Variants in CNTNAP2 observed in about 807,000 individuals in gnomAD.
CNTNAP2 encodes contactin associated protein 2.
CNTNAP2 carries 98 observed loss-of-function variants against 155.2 expected under a neutral mutation model. The ratio of observed to expected loss-of-function variants is 0.63; its 90% CI spans 0.54 to 0.75. The LOEUF (loss-of-function observed/expected upper bound fraction) is 0.75. Among genes scored for constraint, CNTNAP2 ranks in the 30% least tolerant of loss-of-function variants. The pLI, the probability that CNTNAP2 is intolerant of heterozygous loss-of-function variation, is 0.00. For synonymous variants in CNTNAP2, 651 were observed against 631.2 expected, an observed-to-expected ratio of 1.03 and a Z score of -0.47; for missense variants, 1,727 against 1,688.1, an observed-to-expected ratio of 1.02 and a Z score of -0.40.
chr7:146,377,954 C>A (rs1795326873), intron 1 of CNTNAP2, among the ~76,000 whole-genome samples: 1 of 152,166 alleles, frequency 6.6e-6, no homozygotes, highest in Non-Finnish European at 1.5e-5. Flanking sequence ...CTACCTCATC[C>A]ACAATTCTTA....
At chr7:146,269,925 T>C (rs1395898800) in intron 1 of CNTNAP2, among the ~76,000 whole-genome samples, 2 of 152,218 alleles carry the variant, frequency 1.3e-5, no homozygotes, top group South Asian at 2.1e-4. Context: ...CTCTTCAGTT[T>C]CAAATATTGT....
At chr7:147,014,084 T>C (rs979644762) in intron 3 of CNTNAP2, among the ~76,000 whole-genome samples, 2 of 152,180 alleles carry the variant, frequency 1.3e-5, no homozygotes, top group African/African-American at 4.8e-5. Context: ...CAAGGAGACT[T>C]CCAGTGATGT....
At chr7:146,913,716 T>A (rs1358341724) in intron 3 of CNTNAP2, among the ~76,000 whole-genome samples, 1 of 152,046 alleles carries the variant, frequency 6.6e-6, no homozygotes, top group Non-Finnish European at 1.5e-5. Context: ...GCCCCTCTCC[T>A]AATGGCGTCA....
At chr7:146,228,166 A>G (rs1799326342) in intron 1 of CNTNAP2, among the ~76,000 whole-genome samples, 1 of 152,212 alleles carries the variant, frequency 6.6e-6, no homozygotes, top group South Asian at 2.1e-4. Context: ...AGCTGCAAAT[A>G]TCCAAGCGAT....
At chr7:146,650,381 A>G (rs1212104496) in intron 1 of CNTNAP2, among the ~76,000 whole-genome samples, 1 of 152,186 alleles carries the variant, frequency 6.6e-6, no homozygotes, top group Non-Finnish European at 1.5e-5. Flanking sequence ...ATATGAGTTC[A>G]TGTCCTTTGC....
chr7:148,167,916 A>G (rs1195785624), intron 17 of CNTNAP2, among the ~76,000 whole-genome samples: 1 of 152,246 alleles, frequency 6.6e-6, no homozygotes, highest in African/African-American at 2.4e-5. Context: ...AACCCTGTAT[A>G]TATAAATAAT....
chr7:147,225,789 AGG>A (rs1563123704), intron 8 of CNTNAP2, among the ~76,000 whole-genome samples: 73 of 128,882 alleles, frequency 5.7e-4, no homozygotes, highest in South Asian at 4.2e-3. Context: ...GAAGGAAGGA[AGG>A]AAGGAAGGAA....
At chr7:146,244,467 G>T (rs376077526) in intron 1 of CNTNAP2, among the ~76,000 whole-genome samples, 3 of 152,198 alleles carry the variant, frequency 2.0e-5, no homozygotes, top group African/African-American at 7.2e-5. Flanking sequence ...GTCTATACAG[G>T]AGCTCAAATG....
intron 9 of CNTNAP2, among the ~76,000 whole-genome samples, chr7:147,359,216 G>T (rs1287160266): frequency 6.6e-6 from 1 of 151,990 alleles, no homozygotes; most frequent in Non-Finnish European, 1.5e-5. Flanking sequence ...GTAAATGGCC[G>T]CTCTATTCCA....
intron 4 of CNTNAP2, among the ~76,000 whole-genome samples, chr7:147,067,326 T>G (rs895067151): frequency 1.3e-4 from 19 of 146,518 alleles, no homozygotes; most frequent in Non-Finnish European, 6.0e-5. Flanking sequence ...ACTAATCCCA[T>G]TCATAAGGCC....
intron 8 of CNTNAP2, among the ~76,000 whole-genome samples, chr7:147,245,264 A>T (rs75722345): frequency 0.029 from 4,357 of 152,224 alleles, 210 homozygotes; most frequent in African/African-American, 0.099. Flanking sequence ...CTAAAAAAAT[A>T]AAAAATTAAA....
chr7:148,313,990 TGGG>T (rs886368293), intron 21 of CNTNAP2, among the ~76,000 whole-genome samples: 36 of 152,138 alleles, frequency 2.4e-4, no homozygotes, highest in Non-Finnish European at 3.5e-4. Flanking sequence ...AGGAAATTGC[TGGG>T]CAGGTTGGGG....
At chr7:148,044,223 T>C (rs1313040290) in intron 15 of CNTNAP2, among the ~76,000 whole-genome samples, 1 of 123,248 alleles carries the variant, frequency 8.1e-6, no homozygotes, top group Non-Finnish European at 1.7e-5. Context: ...TTTTTTTTTT[T>C]CTAATTTAGT....
intron 4 of CNTNAP2, among the ~76,000 whole-genome samples, chr7:147,077,363 C>A (rs977621059): frequency 6.6e-6 from 1 of 151,690 alleles, no homozygotes; most frequent in African/African-American, 2.4e-5. Flanking sequence ...AGCAGAAATG[C>A]TTTTTTTTCA....
At chr7:146,659,760 G>GCTTT (rs1800056061) in intron 1 of CNTNAP2, among the ~76,000 whole-genome samples, 1 of 152,200 alleles carries the variant, frequency 6.6e-6, no homozygotes, top group Non-Finnish European at 1.5e-5. Context: ...GAACATTAAA[G>GCTTT]GAGTTTCTTA....
At chr7:146,296,496 T>G (rs1021057066) in intron 1 of CNTNAP2, among the ~76,000 whole-genome samples, 1 of 152,134 alleles carries the variant, frequency 6.6e-6, no homozygotes, top group African/African-American at 2.4e-5. Flanking sequence ...AGCAGAATTT[T>G]CTCTTGAGTA....
chr7:148,241,121 T>G (rs112113178), intron 20 of CNTNAP2, among the ~76,000 whole-genome samples: 12 of 152,226 alleles, frequency 7.9e-5, no homozygotes, highest in Non-Finnish European at 1.3e-4. Flanking sequence ...AATAGCTCTG[T>G]GTTCTCTAGC....
At chr7:147,622,261 T>G (rs1794872590) in intron 12 of CNTNAP2, among the ~76,000 whole-genome samples, 1 of 151,984 alleles carries the variant, frequency 6.6e-6, no homozygotes. Flanking sequence ...AACATCAGAC[T>G]TAATCTTCTC....
chr7:146,891,930 A>G (rs1026879841), intron 3 of CNTNAP2, among the ~76,000 whole-genome samples: 1 of 152,090 alleles, frequency 6.6e-6, no homozygotes, highest in African/African-American at 2.4e-5. Context: ...ACATTCTACT[A>G]CTCATTGGCA....
Sources: allele counts gnomAD v4.1 joint callset (sites outside exome capture counted in the v4.1 genomes callset), GRCh38; gene constraint gnomAD v4.1.1; transcripts MANE v1.5; gene names NCBI Gene and HGNC (gene_info 2026-07-23, HGNC 2026-07-21).